Variants in BBS9 observed in about 807,000 individuals in gnomAD.
BBS9 encodes Bardet-Biedl syndrome 9.
A neutral mutation model predicts 117.7 loss-of-function variants in BBS9; 89 were observed. The ratio of observed to expected loss-of-function variants is 0.76; its 90% CI spans 0.64 to 0.90. BBS9 has a LOEUF of 0.90. Ranked by LOEUF, BBS9 falls within the 40% of genes least tolerant of loss-of-function variation. BBS9 has a pLI of 0.00. For missense variants in BBS9, 982 were observed against 1,042.2 expected (o/e 0.94, Z 0.80); for synonymous variants, 379 against 370.9 (o/e 1.02, Z -0.25).
chr7:33,447,737 A>G (rs1055883463), intron 19 of BBS9, among the ~76,000 whole-genome samples: 1 of 152,208 alleles, frequency 6.6e-6, no homozygotes, highest in Admixed American at 6.5e-5. Context: ...TGATTTTAAA[A>G]TCACACAAAT....
intron 7 of BBS9, among the ~76,000 whole-genome samples, chr7:33,264,813 T>C (rs541301953): frequency 2.0e-4 from 31 of 152,276 alleles, no homozygotes; most frequent in Non-Finnish European, 3.8e-4. Context: ...AGCTTAAGAT[T>C]TGTTAAGCTT....
chr7:33,403,809 A>G (rs1382885780), intron 19 of BBS9, among the ~76,000 whole-genome samples: 1 of 152,078 alleles, frequency 6.6e-6, no homozygotes, highest in African/African-American at 2.4e-5. Flanking sequence ...AGCATGATTT[A>G]TAGTCCTTTG....
intron 17 of BBS9, among the ~76,000 whole-genome samples, chr7:33,376,709 T>A (rs554220949): frequency 5.9e-5 from 9 of 152,328 alleles, no homozygotes; most frequent in African/African-American, 2.2e-4. Context: ...GCCTCTGTTA[T>A]TTTTTGACTT....
chr7:33,216,981 G>C (rs1789194140), intron 5 of BBS9, among the ~76,000 whole-genome samples: 1 of 152,142 alleles, frequency 6.6e-6, no homozygotes, highest in African/African-American at 2.4e-5. Context: ...TGTAATCCCA[G>C]CTACTCAGGA....
intron 9 of BBS9, among the ~76,000 whole-genome samples, chr7:33,294,301 CTATCT>C (rs1267767190): frequency 1.9e-5 from 1 of 53,342 alleles, no homozygotes; most frequent in Non-Finnish European, 3.9e-5. Flanking sequence ...ATCTATCTAT[CTATCT>C]ATCTATCTAT....
At chr7:33,502,856 G>C (rs1320197772) in intron 19 of BBS9, among the ~76,000 whole-genome samples, 1 of 152,134 alleles carries the variant, frequency 6.6e-6, no homozygotes, top group East Asian at 1.9e-4. Context: ...TTATTTTGTG[G>C]ATCCCAGTGC....
chr7:33,309,763 T>G (rs2128548922), intron 9 of BBS9, among the ~76,000 whole-genome samples: 1 of 152,280 alleles, frequency 6.6e-6, no homozygotes, highest in African/African-American at 2.4e-5. Flanking sequence ...CTTAGAAGGA[T>G]CCGGCCATGT....
At chr7:33,253,142 T>C (rs1030863326) in intron 5 of BBS9, among the ~76,000 whole-genome samples, 1 of 152,196 alleles carries the variant, frequency 6.6e-6, no homozygotes. Context: ...ATTCCCCCAA[T>C]TGTCCCAATA....
Position 33,302,115 on chromosome 7 carries a change from A to C in BBS9, c.1016+28159A>C, listed in dbSNP as rs185963412. Among the ~76,000 whole-genome samples the C allele has an allele frequency of 1.3e-4, 20 of 151,982 alleles. No individual in the cohort carries two copies. The East Asian group carries it at 3.7e-3, about 28-fold the overall frequency. The stretch of plus-strand genomic sequence containing the variant: ...CTATTCAGATCTTTTGCCCGTTTTT[A>C]GTTGTATTATTAGATTTTTTTCCTA... On this transcript the variant is annotated intron_variant, in intron 9 of 22. Coordinates refer to ENST00000242067, the MANE Select transcript of BBS9 (RefSeq NM_198428.3).
chr7:33,455,252 G>A (rs1192364868), intron 19 of BBS9, among the ~76,000 whole-genome samples: 2 of 145,260 alleles, frequency 1.4e-5, no homozygotes, highest in African/African-American at 2.6e-5. Context: ...GTACCTCAGA[G>A]CTGTTGGTAC....
At chr7:33,165,385 G>T (rs1196221501) in intron 4 of BBS9, among the ~76,000 whole-genome samples, 2 of 152,114 alleles carry the variant, frequency 1.3e-5, no homozygotes, top group African/African-American at 2.4e-5. Flanking sequence ...TGCCTTGCTA[G>T]GTTGGGGAAG....
intron 19 of BBS9, among the ~76,000 whole-genome samples, chr7:33,407,975 C>G (rs1441041115): frequency 1.3e-5 from 2 of 152,240 alleles, no homozygotes; most frequent in Non-Finnish European, 2.9e-5. Context: ...AGCTGTCAGA[C>G]AGGGACATTT....
intron 21 of BBS9, among the ~76,000 whole-genome samples, chr7:33,586,517 C>T (rs1293544963): frequency 1.3e-5 from 2 of 152,022 alleles, no homozygotes; most frequent in African/African-American, 2.4e-5. Context: ...AGTTGAACTA[C>T]CATGCAACCC....
At chr7:33,592,737 T>G (rs976215287) in intron 21 of BBS9, among the ~76,000 whole-genome samples, 4 of 152,004 alleles carry the variant, frequency 2.6e-5, no homozygotes, top group Non-Finnish European at 1.5e-5. Flanking sequence ...TGGTCAAGAT[T>G]ATGGCTTTTA....
chr7:33,459,207 G>A (rs372001896), intron 19 of BBS9, among the ~76,000 whole-genome samples: 4 of 152,122 alleles, frequency 2.6e-5, no homozygotes, highest in African/African-American at 7.2e-5. Context: ...AGAATCTTGC[G>A]GTATTGTTCT....
intron 19 of BBS9, among the ~76,000 whole-genome samples, chr7:33,457,416 T>C (rs1838803241): frequency 6.6e-6 from 1 of 152,094 alleles, no homozygotes; most frequent in African/African-American, 2.4e-5. Flanking sequence ...GTCCTGAGGG[T>C]AAGATTTTAA....
chr7:33,627,963 G>T (rs1267528933), intron 21 of BBS9, among the ~76,000 whole-genome samples: 1 of 152,128 alleles, frequency 6.6e-6, no homozygotes, highest in Admixed American at 6.5e-5. Context: ...CAAGGCTGCA[G>T]TGAGCTGTGA....
chr7:33,241,219 G>A (rs1794467406), intron 5 of BBS9, among the ~76,000 whole-genome samples: 2 of 151,848 alleles, frequency 1.3e-5, no homozygotes, highest in Admixed American at 1.3e-4. Context: ...TGGAGGGGAG[G>A]GCAAGGAGAA....
At chr7:33,510,237 G>C (rs748220464) in intron 20 of BBS9, among the ~76,000 whole-genome samples, 1 of 152,030 alleles carries the variant, frequency 6.6e-6, no homozygotes, top group Non-Finnish European at 1.5e-5. Context: ...TATCTTTCAG[G>C]TTAGGGGCTG....
Sources: gnomAD v4.1 joint callset for allele counts (sites outside exome capture counted in the v4.1 genomes callset) on GRCh38, gnomAD v4.1.1 for gene constraint, MANE v1.5 for transcripts, NCBI Gene and HGNC (gene_info 2026-07-23, HGNC 2026-07-21) for gene names.